The following KLHDC10 variants were observed in gnomAD, a reference collection of about 807,000 sequenced individuals.
The protein encoded by KLHDC10 is kelch domain containing 10, also known as kelch domain-containing protein 10.
KLHDC10 carries 24 observed loss-of-function variants against 56.1 expected under a neutral mutation model. The ratio of observed to expected loss-of-function variants is 0.43; its 90% CI spans 0.31 to 0.60. The LOEUF (loss-of-function observed/expected upper bound fraction) is 0.60, where lower values mean the gene tolerates loss of function less well. KLHDC10 is among the 20% of genes least tolerant of loss of function. KLHDC10 has a pLI of 0.11. For synonymous variants in KLHDC10, 188 were observed against 207.1 expected, an observed-to-expected ratio of 0.91 and a Z score of 0.79; for missense variants, 349 against 567.0, an observed-to-expected ratio of 0.62 and a Z score of 3.91.
Position 130,116,773 on chromosome 7 carries a change from G to C in KLHDC10, c.475+107G>C. 1.1e-6 allele frequency: 1 copy of C among 947,366 alleles called. No homozygotes were observed. Among genetic ancestry groups the C allele is most frequent in the Non-Finnish European group, 1.6e-6 (1 of 607,494 alleles). 58.7% of individuals were successfully genotyped at this position (947,366 alleles called of 1,614,324 possible). On this transcript the variant is annotated intron_variant, in intron 3 of 9. Coordinates refer to ENST00000335420, the MANE Select transcript of KLHDC10 (RefSeq NM_014997.4). This position sits in a 1 kb window ranked among gnomAD's most constrained non-coding sequence, Gnocchi z 4.8. The stretch of plus-strand genomic sequence containing the variant: ...ATTTATAACACTATAATGTGATTTC[G>C]CCCTGTGGGTGGATAGGCTTTTTAC...
At chr7:130,103,135 C>T (rs1563101549) in intron 2 of KLHDC10, among the ~76,000 whole-genome samples, 1 of 152,014 alleles carries the variant, frequency 6.6e-6, no homozygotes, top group Non-Finnish European at 1.5e-5. Context: ...ATTTAAAAAT[C>T]TGAGTTTTGG....
At chr7:130,113,151 A>C (rs1326731699) in intron 2 of KLHDC10, among the ~76,000 whole-genome samples, 1 of 152,088 alleles carries the variant, frequency 6.6e-6, no homozygotes, top group African/African-American at 2.4e-5. Context: ...AGCACAGTTC[A>C]GTTTGGACCA....
rs187626409 is a variant in KLHDC10, at chr7:130,072,945, G to T, written c.166+2136G>T. Reference sequence around the variant, plus strand: ...TAGTTTTTGTATTTTTAGTAGAGACGGGATTTTATCATGTTGGCCAGGCTG... The same window carrying T: ...TAGTTTTTGTATTTTTAGTAGAGACTGGATTTTATCATGTTGGCCAGGCTG... On this transcript the variant is annotated intron_variant, in intron 1 of 9. Transcript: ENST00000335420. Among the ~76,000 whole-genome samples, 701 of 152,092 alleles carry T rather than the reference G, an allele frequency of 4.6e-3. 6 individuals are homozygous for T. Among genetic ancestry groups the T allele is most frequent in the African/African-American group, 0.016 (668 of 41,488 alleles).
intron 1 of KLHDC10, among the ~76,000 whole-genome samples, chr7:130,090,852 A>T (rs1795762599): frequency 6.6e-6 from 1 of 151,962 alleles, no homozygotes; most frequent in Non-Finnish European, 1.5e-5. Context: ...CACAGTCAAG[A>T]TACAGAACAG....
intron 1 of KLHDC10, among the ~76,000 whole-genome samples, chr7:130,094,043 C>T (rs976644393): frequency 6.6e-6 from 1 of 152,130 alleles, no homozygotes; most frequent in African/African-American, 2.4e-5. Context: ...CCTGTCTCAG[C>T]CTCCTGAGTA....
intron 1 of KLHDC10, among the ~76,000 whole-genome samples, chr7:130,085,004 A>G (rs911489215): frequency 3.3e-5 from 5 of 152,146 alleles, no homozygotes; most frequent in East Asian, 3.9e-4. Context: ...GAGGCTCACA[A>G]TGTTTTTTGG....
At chr7:130,123,548 C>A (rs1458242112) in intron 5 of KLHDC10, among the ~76,000 whole-genome samples, 1 of 151,442 alleles carries the variant, frequency 6.6e-6, no homozygotes, top group Non-Finnish European at 1.5e-5. Context: ...AAAGCAAAGA[C>A]AGTAAACCAT....
chr7:130,087,281 C>T (rs1367796514), intron 1 of KLHDC10, among the ~76,000 whole-genome samples: 1 of 152,210 alleles, frequency 6.6e-6, no homozygotes, highest in Non-Finnish European at 1.5e-5. Flanking sequence ...TTTCCTGACC[C>T]ATTCTCTATA....
chr7:130,089,529 G>A (rs1003014525), intron 1 of KLHDC10, among the ~76,000 whole-genome samples: 5 of 152,214 alleles, frequency 3.3e-5, no homozygotes, highest in Admixed American at 6.5e-5. Flanking sequence ...GATAATAAAT[G>A]TCGATTATCC....
intron 1 of KLHDC10, among the ~76,000 whole-genome samples, chr7:130,075,529 C>T (rs1419819190): frequency 4.6e-5 from 7 of 152,096 alleles, no homozygotes; most frequent in African/African-American, 7.2e-5. Flanking sequence ...TCAGGGGGGA[C>T]GGGAGGGACT....
chr7:130,097,436 A>G (rs1229181664), intron 2 of KLHDC10, among the ~76,000 whole-genome samples: 1 of 152,148 alleles, frequency 6.6e-6, no homozygotes, highest in African/African-American at 2.4e-5. Context: ...GATAAAAAAG[A>G]GAATTATTTG....
intron 5 of KLHDC10, among the ~76,000 whole-genome samples, chr7:130,123,223 C>T (rs1796274238): frequency 6.6e-6 from 1 of 152,166 alleles, no homozygotes; most frequent in African/African-American, 2.4e-5. Context: ...AACCCCAGCA[C>T]TTTGGGAGGC....
At chr7:130,077,130 G>A (rs529824131) in intron 1 of KLHDC10, among the ~76,000 whole-genome samples, 126 of 151,916 alleles carry the variant, frequency 8.3e-4, no homozygotes, top group South Asian at 2.7e-3. Context: ...TGAGGCAGGC[G>A]GATCACTTGA....
chr7:130,074,619 C>CTTTT (rs577941524), intron 1 of KLHDC10, among the ~76,000 whole-genome samples: 4 of 139,320 alleles, frequency 2.9e-5, no homozygotes, highest in African/African-American at 8.0e-5. Flanking sequence ...GGTTCTCTCT[C>CTTTT]TTTTTTTTTT....
At chr7:130,112,786 T>C (rs1380449061) in intron 2 of KLHDC10, among the ~76,000 whole-genome samples, 1 of 152,170 alleles carries the variant, frequency 6.6e-6, no homozygotes, top group Non-Finnish European at 1.5e-5. Context: ...GGAGTTGCAT[T>C]TTTACTCTCA....
Position 130,070,690 on chromosome 7 carries a change from G to T in KLHDC10, c.47G>T (p.Gly16Val). 3 of 1,302,220 alleles carry T rather than the reference G, an allele frequency of 2.3e-6. No individual in the cohort carries two copies. The highest frequency in any genetic ancestry group is 2.3e-5 in the South Asian group (1 of 43,254). 80.7% of individuals were successfully genotyped at this position (1,302,220 alleles called of 1,614,324 possible). The change falls in exon 1 of 10, where the codon GGC becomes GTC. Residue 16 changes from glycine to valine, a missense_variant. Physicochemically the swap from Gly to Val is moderately radical, Grantham distance 109. Transcript: ENST00000335420. ...GACAGGAACCGCCGGAGGGGAGGAG[G>T]CGCCGCCGGCGCTGGTGGCGGAGGT... ...GWDRNRRRGG[G>V]AAGAGGGGSG...
chr7:130,090,485 G>A (rs898930407), intron 1 of KLHDC10, among the ~76,000 whole-genome samples: 1 of 151,898 alleles, frequency 6.6e-6, no homozygotes, highest in African/African-American at 2.4e-5. Flanking sequence ...CTACTTGAGA[G>A]GCTGAGGTAG....
At chr7:130,074,006 C>G (rs1795461164) in intron 1 of KLHDC10, among the ~76,000 whole-genome samples, 1 of 152,184 alleles carries the variant, frequency 6.6e-6, no homozygotes, top group South Asian at 2.1e-4. Flanking sequence ...CAAATACATT[C>G]TCATCCCTGC....
chr7:130,118,097 T>A (rs948172813), intron 3 of KLHDC10, among the ~76,000 whole-genome samples: 5 of 151,874 alleles, frequency 3.3e-5, no homozygotes, highest in African/African-American at 1.2e-4. Context: ...CCCTTGAACC[T>A]GGGAAGGTGG....
Sources: gnomAD v4.1 joint callset for allele counts (sites outside exome capture counted in the v4.1 genomes callset) on GRCh38, gnomAD v4.1.1 for gene constraint, Gnocchi (gnomAD v3.1) non-coding constraint, MANE v1.5 for transcripts, NCBI Gene and HGNC (gene_info 2026-07-23, HGNC 2026-07-21) for gene names.